The following XYLT1 variants were observed in gnomAD, a reference collection of about 807,000 sequenced individuals.
XYLT1 encodes beta-D-xylosyltransferase 1.
In XYLT1, 36 loss-of-function variants were observed where a neutral mutation model predicts 91.3. The ratio of observed to expected loss-of-function variants is 0.39; its 90% CI spans 0.30 to 0.52. XYLT1 has a LOEUF of 0.52. XYLT1 is among the 20% of genes least tolerant of loss of function. The pLI is 0.68. For missense variants in XYLT1, 1,242 were observed against 1,284.5 expected, an observed-to-expected ratio of 0.97 and a Z score of 0.51; for synonymous variants, 588 against 532.0, an observed-to-expected ratio of 1.11 and a Z score of -1.45.
At chr16:17,120,517 C>T (rs1343770038) in intron 10 of XYLT1, among the ~76,000 whole-genome samples, 6 of 152,086 alleles carry the variant, frequency 3.9e-5, no homozygotes, top group Non-Finnish European at 8.8e-5. Context: ...GTCTACCTTT[C>T]CCCGCATCCT....
chr16:17,176,024 T>C (rs2031934119), intron 5 of XYLT1, among the ~76,000 whole-genome samples: 1 of 149,078 alleles, frequency 6.7e-6, no homozygotes, highest in African/African-American at 2.5e-5. Flanking sequence ...GAGATGTTTT[T>C]AATAAATGGG....
chr16:17,281,077 G>A (rs2034049991), intron 2 of XYLT1, among the ~76,000 whole-genome samples: 1 of 152,154 alleles, frequency 6.6e-6, no homozygotes, highest in African/African-American at 2.4e-5. Flanking sequence ...ACTGGATTTG[G>A]CCCCTCTTTC....
At chr16:17,196,285 A>G (rs138050510) in intron 5 of XYLT1, among the ~76,000 whole-genome samples, 138 of 152,282 alleles carry the variant, frequency 9.1e-4, no homozygotes, top group East Asian at 3.5e-3. Context: ...CTGATTCAAA[A>G]CTCAAACTCT....
intron 2 of XYLT1, among the ~76,000 whole-genome samples, chr16:17,268,955 G>C (rs1206021962): frequency 6.6e-6 from 1 of 152,102 alleles, no homozygotes; most frequent in Admixed American, 6.5e-5. Flanking sequence ...TTACAGGCGT[G>C]AGCCACTGCG....
intron 2 of XYLT1, among the ~76,000 whole-genome samples, chr16:17,334,159 C>T (rs557449127): frequency 6.6e-6 from 1 of 152,328 alleles, no homozygotes; most frequent in East Asian, 1.9e-4. Flanking sequence ...TGATCTTGGA[C>T]TTCCCAGCTT....
intron 3 of XYLT1, among the ~76,000 whole-genome samples, chr16:17,221,423 T>C (rs915853446): frequency 6.6e-6 from 1 of 152,168 alleles, no homozygotes; most frequent in Non-Finnish European, 1.5e-5. Context: ...CTGAGACAGA[T>C]GCCATCATTA....
At chr16:17,306,121 CTCTG>C (rs2034466685) in intron 2 of XYLT1, among the ~76,000 whole-genome samples, 1 of 152,160 alleles carries the variant, frequency 6.6e-6, no homozygotes, top group South Asian at 2.1e-4. Context: ...TTTACCCTCC[CTCTG>C]TATGTGGAAA....
intron 2 of XYLT1, among the ~76,000 whole-genome samples, chr16:17,278,399 T>A (rs1357089994): frequency 2.0e-5 from 3 of 152,154 alleles, no homozygotes; most frequent in African/African-American, 4.8e-5. Flanking sequence ...TCCGAGAAGT[T>A]CTTCTTCATT....
At chr16:17,207,474 G>A (rs2032672492) in intron 3 of XYLT1, among the ~76,000 whole-genome samples, 1 of 152,136 alleles carries the variant, frequency 6.6e-6, no homozygotes, top group African/African-American at 2.4e-5. Context: ...AAGTTTGGGG[G>A]AGAGGCCTCA....
chr16:17,281,193 A>G (rs2034053193), intron 2 of XYLT1, among the ~76,000 whole-genome samples: 1 of 152,216 alleles, frequency 6.6e-6, no homozygotes, highest in Non-Finnish European at 1.5e-5. Flanking sequence ...GCTGAAGGAC[A>G]GGTACTAGAG....
chr16:17,445,639 C>T (rs2036582152), intron 1 of XYLT1, among the ~76,000 whole-genome samples: 1 of 152,222 alleles, frequency 6.6e-6, no homozygotes, highest in African/African-American at 2.4e-5. Context: ...ATGGAGGCTC[C>T]TCTGTGGCCT....
chr16:17,212,477 A>C (rs934561808), intron 3 of XYLT1, among the ~76,000 whole-genome samples: 1 of 152,098 alleles, frequency 6.6e-6, no homozygotes, highest in Non-Finnish European at 1.5e-5. Flanking sequence ...CCATCTTTTA[A>C]AAAACGCATC....
chr16:17,375,677 T>C, intron 1 of XYLT1, among the ~76,000 whole-genome samples: 1 of 152,228 alleles, frequency 6.6e-6, no homozygotes, highest in Admixed American at 6.5e-5. Flanking sequence ...GAGCAGTCCA[T>C]GATCCAGAGA....
At chr16:17,239,593 G>A (rs7193006) in intron 3 of XYLT1, among the ~76,000 whole-genome samples, 67,891 of 141,426 alleles carry the variant, frequency 0.48, 15,766 homozygotes, top group South Asian at 0.55. Context: ...CACCTAGTCC[G>A]TCCATCCATC....
intron 11 of XYLT1, among the ~76,000 whole-genome samples, chr16:17,112,380 TG>T (rs1052485259): frequency 4.5e-4 from 69 of 152,094 alleles, no homozygotes; most frequent in Middle Eastern, 3.4e-3. Flanking sequence ...CTGCTCTCGG[TG>T]GGGGTAAAAT....
At chr16:17,153,518 G>A (rs1390033185) in intron 6 of XYLT1, among the ~76,000 whole-genome samples, 3 of 152,162 alleles carry the variant, frequency 2.0e-5, no homozygotes, top group African/African-American at 7.2e-5. Flanking sequence ...GGCCTTAAGC[G>A]ATCCTCCTAC....
intron 11 of XYLT1, among the ~76,000 whole-genome samples, 164 bp downstream of exon 11, chr16:17,117,482 G>A (rs1966854737): frequency 6.6e-6 from 1 of 152,222 alleles, no homozygotes; most frequent in Admixed American, 6.5e-5. Context: ...GACATTAGAT[G>A]GTTTCTCTAG....
chr16:17,315,553 G>C (rs563542063), intron 2 of XYLT1, among the ~76,000 whole-genome samples: 1 of 152,030 alleles, frequency 6.6e-6, no homozygotes, highest in Non-Finnish European at 1.5e-5. Flanking sequence ...GTTTTGTCCC[G>C]TCTCTCTACC....
intron 6 of XYLT1, among the ~76,000 whole-genome samples, chr16:17,154,587 C>A (rs11649488): frequency 0.062 from 9,408 of 152,194 alleles, 408 homozygotes; most frequent in South Asian, 0.11. Flanking sequence ...CTTCTGCAAG[C>A]CCTGCTGAGG....
Sources: allele counts gnomAD v4.1 joint callset (sites outside exome capture counted in the v4.1 genomes callset), GRCh38; gene constraint gnomAD v4.1.1; transcripts MANE v1.5; gene names NCBI Gene and HGNC (gene_info 2026-07-23, HGNC 2026-07-21).